The following EYA2 variants were observed in gnomAD, a reference collection of about 807,000 sequenced individuals.
EYA2 encodes EYA transcriptional coactivator and phosphatase 2.
A neutral mutation model predicts 69.2 loss-of-function variants in EYA2; 31 were observed. The observed-to-expected ratio is 0.45, with a 90% CI of 0.34 to 0.60. The LOEUF (loss-of-function observed/expected upper bound fraction) is 0.60, where lower values mean the gene tolerates loss of function less well. Ranked by LOEUF, EYA2 falls within the 20% of genes least tolerant of loss-of-function variation. The pLI is 0.02. For synonymous variants in EYA2, 257 were observed against 279.4 expected (o/e 0.92, Z 0.80); for missense variants, 622 against 701.2 (o/e 0.89, Z 1.28).
At chr20:47,000,049 G>T (rs148119042) in intron 2 of EYA2, among the ~76,000 whole-genome samples, 1 of 152,116 alleles carries the variant, frequency 6.6e-6, no homozygotes, top group Admixed American at 6.5e-5. Flanking sequence ...GACCACCTGG[G>T]TTCAGATCAC....
chr20:47,145,886 T>C (rs562566210), intron 10 of EYA2, among the ~76,000 whole-genome samples: 5 of 150,468 alleles, frequency 3.3e-5, no homozygotes, highest in Admixed American at 2.0e-4. Flanking sequence ...GGGCGACAGA[T>C]TGAAACTCCA....
chr20:47,087,796 A>G (rs1317651335), intron 7 of EYA2, among the ~76,000 whole-genome samples: 1 of 152,176 alleles, frequency 6.6e-6, no homozygotes, highest in Admixed American at 6.5e-5. Context: ...ACACATATCC[A>G]TGGGTTGACT....
At chr20:46,950,695 T>C (rs530652570) in intron 1 of EYA2, among the ~76,000 whole-genome samples, 1 of 152,296 alleles carries the variant, frequency 6.6e-6, no homozygotes, top group East Asian at 1.9e-4. Context: ...CTGGAGTAGT[T>C]TGGCTTGCTG....
At chr20:47,039,605 G>A (rs575189658) in intron 5 of EYA2, among the ~76,000 whole-genome samples, 1 of 152,254 alleles carries the variant, frequency 6.6e-6, no homozygotes, top group African/African-American at 2.4e-5. Flanking sequence ...TGGAAACAAA[G>A]TATCAACAAA....
intron 4 of EYA2, among the ~76,000 whole-genome samples, chr20:47,009,818 C>G (rs893193754): frequency 7.2e-5 from 11 of 152,318 alleles, no homozygotes; most frequent in Admixed American, 4.6e-4. Context: ...GACATTTGGC[C>G]TATGGGCTGG....
Position 47,182,628 on chromosome 20 carries a change from T to TCAAAAAAAAAAAAAAAAAAAAAAA in EYA2, c.1436-663_1436-662insCAAAAAAAAAAAAAAAAAAAAAAA, listed in dbSNP as rs779945744. The stretch of plus-strand genomic sequence containing the variant: ...TGGGCAACAAGAACGAGACTCCGTC[T>TCAAAAAAAAAAAAAAAAAAAAAAA]AAAAAAAAAAAAAAAAGGTTAAGAT... On this transcript the variant is annotated intron_variant, in intron 14 of 15. Transcript: ENST00000327619. Among the ~76,000 whole-genome samples, 13 of 84,350 alleles carry TCAAAAAAAAAAAAAAAAAAAAAAA rather than the reference T, an allele frequency of 1.5e-4. 4 individuals are homozygous for TCAAAAAAAAAAAAAAAAAAAAAAA. The highest frequency in any genetic ancestry group is 7.2e-4 in the African/African-American group (11 of 15,300). 55.3% of individuals were successfully genotyped at this position (84,350 alleles called of 152,430 possible). A position where few individuals can be genotyped will look rare whatever the true frequency, so the allele number is the denominator to read the frequency against.
intron 1 of EYA2, among the ~76,000 whole-genome samples, chr20:46,945,718 G>A (rs966112613): frequency 2.6e-5 from 4 of 152,230 alleles, no homozygotes; most frequent in Non-Finnish European, 4.4e-5. Context: ...CCTTCTGGGC[G>A]TGTTACAGGA....
intron 4 of EYA2, among the ~76,000 whole-genome samples, chr20:47,014,330 A>C (rs1394392622): frequency 1.3e-5 from 2 of 152,216 alleles, no homozygotes; most frequent in African/African-American, 4.8e-5. Context: ...AGAAGGAGGA[A>C]ATTTCAATAC....
At chr20:47,057,403 C>G (rs528318284) in intron 5 of EYA2, among the ~76,000 whole-genome samples, 1 of 152,198 alleles carries the variant, frequency 6.6e-6, no homozygotes, top group Non-Finnish European at 1.5e-5. Context: ...GGAACTTGGG[C>G]TGTGGTCAGG....
chr20:47,044,815 C>T (rs1191264605), intron 5 of EYA2, among the ~76,000 whole-genome samples: 2 of 152,086 alleles, frequency 1.3e-5, no homozygotes, highest in Admixed American at 6.6e-5. Context: ...GTCATACAAT[C>T]GGAGAACAGC....
rs976154600 is a variant in EYA2 at position 46,895,098 on chromosome 20, G to C, written c.-11+111G>C. 3.9e-5 allele frequency: 6 copies of C among 152,420 alleles called. No homozygotes were observed. In the South Asian group the frequency reaches 6.2e-4, roughly 16 times the overall value. 9.4% of individuals were successfully genotyped at this position (152,420 alleles called of 1,614,324 possible). On this transcript the variant is annotated intron_variant, in intron 1 of 15. Transcript: ENST00000327619. The stretch of plus-strand genomic sequence containing the variant: ...TGCGCCTCTTTCTGGCACTCGCCAA[G>C]CGGGGCCTCCGCAGCTGTCGGGACG...
chr20:47,156,127 CATATATATATATATATATATATAT>C (rs752111640), intron 10 of EYA2, among the ~76,000 whole-genome samples: 122 of 14,622 alleles, frequency 8.3e-3, no homozygotes, highest in African/African-American at 0.02. Flanking sequence ...CACACACACA[CATATATATATATATATATATATAT>C]ATATATATAT....
chr20:47,172,897 G>A (rs770093321), intron 12 of EYA2, 30 bp downstream of exon 12: 1 of 1,583,732 alleles, frequency 6.3e-7, no homozygotes, highest in Non-Finnish European at 8.6e-7. Flanking sequence ...GGCCTCCGAG[G>A]AAGGGAAACT....
chr20:47,032,583 A>G (rs1022257071), intron 5 of EYA2, among the ~76,000 whole-genome samples: 2 of 152,026 alleles, frequency 1.3e-5, no homozygotes, highest in African/African-American at 2.4e-5. Context: ...GCCAATTAAC[A>G]TGTCTCGGAG....
chr20:46,987,916 G>GACTCTCTCTCCCTCTCTCTCTCTCCC (rs56288405), intron 1 of EYA2, among the ~76,000 whole-genome samples: 1 of 20,352 alleles, frequency 4.9e-5, no homozygotes, highest in Non-Finnish European at 9.6e-5. Flanking sequence ...GACAGAGTAA[G>GACTCTCTCTCCCTCTCTCTCTCTCCC]TCTCTCTCTC....
intron 1 of EYA2, among the ~76,000 whole-genome samples, chr20:46,966,274 A>C (rs1296051654): frequency 1.3e-5 from 2 of 152,170 alleles, no homozygotes; most frequent in Non-Finnish European, 2.9e-5. Context: ...GGGATGAGCC[A>C]CTGTGCCCAG....
At chr20:47,117,480 C>T (rs943591948) in intron 9 of EYA2, 2 of 985,368 alleles carry the variant, frequency 2.0e-6, no homozygotes, top group Non-Finnish European at 2.4e-6. Flanking sequence ...CTGCCCTCTC[C>T]GTTCCACCAC....
intron 5 of EYA2, among the ~76,000 whole-genome samples, chr20:47,048,245 A>T (rs1184706807): frequency 6.6e-6 from 1 of 152,100 alleles, no homozygotes; most frequent in African/African-American, 2.4e-5. Context: ...TATTAAGGAG[A>T]CCTCAGGGAG....
rs2034502647 is a variant in EYA2 at position 47,179,781 on chromosome 20, A to G, written c.1199-17A>G. The G allele has an allele frequency of 6.4e-7, 1 of 1,573,960 alleles. No individual in the cohort carries two copies. Among genetic ancestry groups the G allele is most frequent in the African/African-American group, 1.3e-5 (1 of 74,098 alleles). ...TTTCTAATACGATGACTACATCTTTATTTCCTTTGTCCACAGGGTTGATAG... is the reference window on the plus strand; with the variant it reads ...TTTCTAATACGATGACTACATCTTTGTTTCCTTTGTCCACAGGGTTGATAG... On this transcript the variant is annotated splice_polypyrimidine_tract_variant and intron_variant, in intron 12 of 15. Transcript: ENST00000327619.
Sources: allele counts gnomAD v4.1 joint callset (sites outside exome capture counted in the v4.1 genomes callset), GRCh38; gene constraint gnomAD v4.1.1; transcripts MANE v1.5; gene names NCBI Gene and HGNC (gene_info 2026-07-23, HGNC 2026-07-21).